The following HDAC9 variants were observed in gnomAD, a reference collection of about 807,000 sequenced individuals.
The protein encoded by HDAC9 is histone deacetylase 9.
In HDAC9, 41 loss-of-function variants were observed where a neutral mutation model predicts 139.4. The observed-to-expected ratio is 0.29, with a 90% CI of 0.23 to 0.38. The LOEUF (loss-of-function observed/expected upper bound fraction) is 0.38. Among genes scored for constraint, HDAC9 ranks in the 10% least tolerant of loss-of-function variants. The pLI, the probability that HDAC9 is intolerant of heterozygous loss-of-function variation, is 1.00. For synonymous variants in HDAC9, 517 were observed against 476.2 expected (o/e 1.09, Z -1.12); for missense variants, 1,147 against 1,297.0 (o/e 0.88, Z 1.78).
chr7:18,160,929 A>G (rs914968488), intron 1 of HDAC9, among the ~76,000 whole-genome samples: 1 of 152,170 alleles, frequency 6.6e-6, no homozygotes, highest in Non-Finnish European at 1.5e-5. Flanking sequence ...ATTTTTATCT[A>G]AAACTAATGT....
At chr7:18,876,283 C>T (rs1201233505) in intron 22 of HDAC9, among the ~76,000 whole-genome samples, 1 of 152,024 alleles carries the variant, frequency 6.6e-6, no homozygotes, top group Non-Finnish European at 1.5e-5. Flanking sequence ...CATTGTGTTC[C>T]ATCTCAGAAT....
intron 2 of HDAC9, among the ~76,000 whole-genome samples, chr7:18,164,927 C>G (rs954132402): frequency 3.3e-5 from 5 of 152,156 alleles, no homozygotes; most frequent in African/African-American, 1.2e-4. Context: ...AAGCATCTAA[C>G]TTGTGCCAGC....
chr7:18,905,253 C>G (rs1451850434), intron 22 of HDAC9, among the ~76,000 whole-genome samples: 2 of 152,216 alleles, frequency 1.3e-5, no homozygotes, highest in Non-Finnish European at 2.9e-5. Context: ...TTGCTCACTT[C>G]TTTTTTTGCT....
intron 1 of HDAC9, among the ~76,000 whole-genome samples, chr7:18,381,545 TATC>T (rs1585502335): frequency 1.3e-5 from 2 of 152,110 alleles, no homozygotes; most frequent in African/African-American, 4.8e-5. Flanking sequence ...TGGGATAAAA[TATC>T]ATAATGTATG....
intron 1 of HDAC9, among the ~76,000 whole-genome samples, chr7:18,151,553 A>G (rs1325975452): frequency 6.6e-6 from 1 of 152,192 alleles, no homozygotes; most frequent in African/African-American, 2.4e-5. Context: ...CATCTTTCAC[A>G]TGGTTCTTCG....
chr7:18,223,127 T>A (rs1238662560), intron 2 of HDAC9, among the ~76,000 whole-genome samples: 4 of 152,180 alleles, frequency 2.6e-5, no homozygotes, highest in South Asian at 2.1e-4. Context: ...TGTGGGCCTT[T>A]ATGTTTCTCT....
At chr7:18,640,552 C>G (rs543922071) in intron 8 of HDAC9, among the ~76,000 whole-genome samples, 11 of 151,700 alleles carry the variant, frequency 7.3e-5, no homozygotes, top group Non-Finnish European at 1.6e-4. Context: ...GGTTCCTTCT[C>G]TCCATCTCCT....
intron 2 of HDAC9, among the ~76,000 whole-genome samples, chr7:18,186,131 T>A (rs1562723313): frequency 1.3e-5 from 2 of 152,238 alleles, no homozygotes; most frequent in African/African-American, 2.4e-5. Flanking sequence ...CCTAGCTAGG[T>A]TAACATGTCT....
At chr7:18,174,653 G>C (rs1256974037) in intron 2 of HDAC9, among the ~76,000 whole-genome samples, 1 of 151,596 alleles carries the variant, frequency 6.6e-6, no homozygotes, top group Non-Finnish European at 1.5e-5. Context: ...TGTCCTTTCT[G>C]TTGATGTTGA....
At chr7:18,538,393 G>A (rs1022260170) in intron 2 of HDAC9, among the ~76,000 whole-genome samples, 3 of 152,190 alleles carry the variant, frequency 2.0e-5, no homozygotes, top group African/African-American at 4.8e-5. Flanking sequence ...CTTAGAAACC[G>A]TGACAGGAAT....
At chr7:18,852,065 G>C (rs1797339925) in intron 21 of HDAC9, among the ~76,000 whole-genome samples, 1 of 152,184 alleles carries the variant, frequency 6.6e-6, no homozygotes, top group African/African-American at 2.4e-5. Flanking sequence ...GTACACCTCT[G>C]TTCTGGCTGC....
Position 18,408,079 on chromosome 7 carries a change from G to A in HDAC9, c.-41-88183G>A, listed in dbSNP as rs115619945. Among the ~76,000 whole-genome samples, 839 of 152,192 alleles carry A rather than the reference G, an allele frequency of 5.5e-3. 7 individuals carry two copies. The highest frequency in any genetic ancestry group is 0.018 in the African/African-American group (735 of 41,540). ...TGAGATGATGTATGTATAATGCTTA[G>A]CATTATACTTGGCGCAAAGTTGGTA... On this transcript the variant is annotated intron_variant, in intron 1 of 3. Coordinates refer to the HDAC9 transcript ENST00000413509.
At chr7:18,982,045 TCA>T (rs1784987775) in intron 25 of HDAC9, among the ~76,000 whole-genome samples, 1 of 152,138 alleles carries the variant, frequency 6.6e-6, no homozygotes, top group Non-Finnish European at 1.5e-5. Flanking sequence ...TGTGTAGATT[TCA>T]CACAGTAAAT....
rs547802966 is a variant in HDAC9 at position 18,939,899 on chromosome 7, C to T, written c.2937+3957C>T. ...CCCGCTTTAGTTTCTCAACACTGAA[C>T]ATGCAATTGAACTCCCATTAGAAAG... On this transcript the variant is annotated intron_variant, in intron 23 of 25. Transcript: ENST00000686413. Among the ~76,000 whole-genome samples the T allele has an allele frequency of 7.9e-5, 12 of 152,328 alleles. No individual in the cohort carries two copies. In the East Asian group the frequency reaches 2.3e-3, roughly 29 times the overall value.
intron 13 of HDAC9, among the ~76,000 whole-genome samples, chr7:18,741,327 G>T (rs1456839412): frequency 6.6e-6 from 1 of 152,174 alleles, no homozygotes; most frequent in Non-Finnish European, 1.5e-5. Flanking sequence ...TGAAGCCAGT[G>T]CTCATTTCCC....
intron 12 of HDAC9, among the ~76,000 whole-genome samples, chr7:18,698,183 C>A (rs372345966): frequency 1.3e-5 from 2 of 152,146 alleles, no homozygotes; most frequent in African/African-American, 2.4e-5. Context: ...AAGCCCTCTG[C>A]TACTTTTCTC....
intron 2 of HDAC9, among the ~76,000 whole-genome samples, chr7:18,199,255 A>G (rs543764149): frequency 2.6e-5 from 4 of 152,168 alleles, no homozygotes; most frequent in African/African-American, 4.8e-5. Flanking sequence ...TTGATTTACA[A>G]TAGATATAAT....
intron 1 of HDAC9, among the ~76,000 whole-genome samples, chr7:18,091,269 A>C (rs1782125697): frequency 6.6e-6 from 1 of 152,232 alleles, no homozygotes; most frequent in African/African-American, 2.4e-5. Flanking sequence ...TTAGAGCTTC[A>C]AAGAGAGGAA....
chr7:18,310,797 G>T (rs942356382), intron 1 of HDAC9, among the ~76,000 whole-genome samples: 4 of 137,506 alleles, frequency 2.9e-5, no homozygotes, highest in Non-Finnish European at 4.6e-5. Flanking sequence ...TTATCAACTT[G>T]TACAAATCCA....
Sources: allele counts gnomAD v4.1 joint callset (sites outside exome capture counted in the v4.1 genomes callset), GRCh38; gene constraint gnomAD v4.1.1; transcripts MANE v1.5; gene names NCBI Gene and HGNC (gene_info 2026-07-23, HGNC 2026-07-21).